The following ANKRD10 variants were observed in gnomAD, a reference collection of about 807,000 sequenced individuals.
ANKRD10 encodes the protein ankyrin repeat domain 10, also known as ankyrin repeat domain-containing protein 10.
ANKRD10 carries 14 observed loss-of-function variants against 27.0 expected under a neutral mutation model. That is an observed-to-expected ratio of 0.52 (90% CI 0.34 to 0.81). ANKRD10 has a LOEUF of 0.81. Ranked by LOEUF, ANKRD10 falls within the 40% of genes least tolerant of loss-of-function variation. The probability of loss-of-function intolerance (pLI) is 0.01; values close to 1 mark genes in which losing one functional copy is unlikely to be tolerated. For missense variants in ANKRD10, 493 were observed against 544.0 expected (o/e 0.91, Z 0.93); for synonymous variants, 250 against 224.5 (o/e 1.11, Z -1.01).
intron 3 of ANKRD10, among the ~76,000 whole-genome samples, chr13:110,898,458 T>C (rs907836063): frequency 6.6e-6 from 1 of 152,238 alleles, no homozygotes. Flanking sequence ...AATGAAACAC[T>C]TGATTTACAG....
rs1283819184 is a variant in ANKRD10, at chr13:110,879,769, G to A, written c.1131C>T (p.Tyr377=). 1.2e-6 allele frequency: 2 copies of A among 1,614,130 alleles called. No individual in the cohort carries two copies. The highest frequency in any genetic ancestry group is 1.7e-6 in the Non-Finnish European group (2 of 1,180,050). ...DIGDNLYYGH[Y]HGFGDTAESI... is the part of the protein sequence containing the mutation. ...TTTCAGCAGTGTCCCCAAACCCGTG[G>A]TAGTGTCCATAGTACAGGTTATCCC... The change falls in exon 6 of 6, where the codon TAC becomes TAT. Residue 377 remains tyrosine (Y), a synonymous_variant. Transcript: ENST00000267339.
intron 3 of ANKRD10, among the ~76,000 whole-genome samples, chr13:110,900,931 C>A (rs1367588933): frequency 6.6e-6 from 1 of 152,028 alleles, no homozygotes; most frequent in Non-Finnish European, 1.5e-5. Flanking sequence ...TTTTAAATTA[C>A]CTTTGGTAAT....
At position 110,909,224 on chromosome 13, in the gene ANKRD10, C is replaced by T. The variant is rs188420429; in HGVS notation, c.363+1394G>A. On this transcript the variant is annotated intron_variant, in intron 2 of 5. Transcript: ENST00000267339. ...AAAATTAACCTACAAAAATGATATACTTAAATTCCATACTATTAATTACTG... is the reference window on the plus strand; with the variant it reads ...AAAATTAACCTACAAAAATGATATATTTAAATTCCATACTATTAATTACTG... Among the ~76,000 whole-genome samples, 1,369 of 152,214 alleles carry T rather than the reference C, an allele frequency of 9.0e-3. 10 individuals carry two copies. The highest frequency in any genetic ancestry group is 0.02 in the South Asian group (99 of 4,830).
chr13:110,914,698 A>C, intron 1 of ANKRD10, 27 bp downstream of exon 1: 2 of 1,542,280 alleles, frequency 1.3e-6, no homozygotes, highest in Non-Finnish European at 1.8e-6. Context: ...GCCGGGGAAA[A>C]TGGCGCCTTA....
intron 4 of ANKRD10, among the ~76,000 whole-genome samples, chr13:110,886,201 A>G (rs905880088): frequency 6.6e-6 from 1 of 152,260 alleles, no homozygotes; most frequent in Non-Finnish European, 1.5e-5. Context: ...GGGAAGAGGC[A>G]GCGGGAAACA....
intron 3 of ANKRD10, among the ~76,000 whole-genome samples, chr13:110,905,823 T>C (rs540562440): frequency 1.3e-5 from 2 of 152,338 alleles, no homozygotes; most frequent in Non-Finnish European, 2.9e-5. Context: ...GACAAGAATA[T>C]TGAGGCTGCT....
At chr13:110,894,083 A>G in intron 3 of ANKRD10, 3 of 1,499,698 alleles carry the variant, frequency 2.0e-6, no homozygotes, top group Middle Eastern at 1.7e-4. Flanking sequence ...GAGCTGAATA[A>G]AATAGAGTAA....
chr13:110,889,507 ACTTC>A (rs10597650), intron 4 of ANKRD10, among the ~76,000 whole-genome samples: 24,162 of 152,172 alleles, frequency 0.16, 2,538 homozygotes, highest in East Asian at 0.56. Context: ...TTGTAGCATA[ACTTC>A]CTTCCAAGAC....
At chr13:110,887,255 CTG>C (rs1003644635) in intron 4 of ANKRD10, among the ~76,000 whole-genome samples, 7 of 152,258 alleles carry the variant, frequency 4.6e-5, no homozygotes, top group African/African-American at 7.2e-5. Flanking sequence ...CCCAGTAACT[CTG>C]TAACTGTATG....
chr13:110,896,359 T>C (rs1043336266), intron 3 of ANKRD10, among the ~76,000 whole-genome samples: 1 of 152,242 alleles, frequency 6.6e-6, no homozygotes, highest in Non-Finnish European at 1.5e-5. Context: ...GTATACAACA[T>C]ACAGTTTAAT....
At chr13:110,887,238 G>A (rs1466325553) in intron 4 of ANKRD10, among the ~76,000 whole-genome samples, 1 of 152,226 alleles carries the variant, frequency 6.6e-6, no homozygotes, top group African/African-American at 2.4e-5. Context: ...AACCCCTAAA[G>A]CCAGTTCCCA....
chr13:110,909,155 T>C (rs748677651), intron 2 of ANKRD10, among the ~76,000 whole-genome samples: 5 of 152,210 alleles, frequency 3.3e-5, no homozygotes, highest in Non-Finnish European at 7.3e-5. Flanking sequence ...GTTAGACAAT[T>C]TCTCTAGTCC....
At chr13:110,885,700 A>G (rs7332528) in intron 4 of ANKRD10, among the ~76,000 whole-genome samples, 57,220 of 152,002 alleles carry the variant, frequency 0.38, 11,217 homozygotes, top group South Asian at 0.5. Context: ...GAGCGGGTCA[A>G]CGTTTGCTCC....
At chr13:110,904,627 T>TAA (rs2065477186) in intron 3 of ANKRD10, among the ~76,000 whole-genome samples, 1 of 152,224 alleles carries the variant, frequency 6.6e-6, no homozygotes, top group African/African-American at 2.4e-5. Flanking sequence ...ATTAGAGTTT[T>TAA]AAATCTAACT....
Position 110,880,092 on chromosome 13 carries a change from CG to C in ANKRD10, c.807del (p.Val270TyrfsTer5). 5 of 1,613,736 alleles carry C rather than the reference CG, an allele frequency of 3.1e-6. No individual in the cohort carries two copies. Among genetic ancestry groups the C allele is most frequent in the Non-Finnish European group, 4.2e-6 (5 of 1,179,764 alleles). On this transcript the variant is annotated frameshift_variant, in exon 6 of 6. Coordinates refer to ENST00000267339, the MANE Select transcript of ANKRD10 (RefSeq NM_017664.4). LOFTEE classifies it low-confidence loss of function (END_TRUNC). ...CATCCATTTGTCAATGTATTCGATA[CG>C]GAGCTACTGTTTTTCATATCTGCAT... ...AVVTDMKNSS[S>X]VSNTLTNGCV...
At chr13:110,896,475 A>G (rs1005817361) in intron 3 of ANKRD10, among the ~76,000 whole-genome samples, 1 of 152,126 alleles carries the variant, frequency 6.6e-6, no homozygotes, top group African/African-American at 2.4e-5. Flanking sequence ...CCTCATTCTC[A>G]TTTCCTCTCC....
At chr13:110,882,481 G>A (rs2064838867) in intron 5 of ANKRD10, among the ~76,000 whole-genome samples, 1 of 152,170 alleles carries the variant, frequency 6.6e-6, no homozygotes, top group Non-Finnish European at 1.5e-5. Context: ...CTGGTAGACG[G>A]GATGGGCTGG....
intron 3 of ANKRD10, chr13:110,898,912 C>A (rs1217755054): frequency 6.6e-6 from 1 of 152,192 alleles, no homozygotes; most frequent in Non-Finnish European, 1.5e-5. Flanking sequence ...CCCACCACCA[C>A]ACCCAGCTAA....
chr13:110,879,718 G>A lies in ANKRD10; in HGVS notation c.1182C>T (p.Val394=), dbSNP rs200799494. Residue 394 remains valine, a synonymous_variant, in exon 6 of 6, where the codon GTC becomes GTT. Coordinates refer to ENST00000267339, the MANE Select transcript of ANKRD10 (RefSeq NM_017664.4). The stretch of plus-strand genomic sequence containing the variant: ...GCACCTTCACGGACTTGGAATGCTC[G>A]ACCACACTGTTCAGTTCTGGGATGC... The part of the protein sequence containing the change: ...AESIPELNSV[V]EHSKSVKVQE... The A allele has an allele frequency of 9.9e-6, 16 of 1,614,164 alleles. No homozygotes were observed. The East Asian group carries it at 2.2e-4, about 22-fold the overall frequency.
Sources: allele counts gnomAD v4.1 joint callset (sites outside exome capture counted in the v4.1 genomes callset), GRCh38; gene constraint gnomAD v4.1.1; transcripts MANE v1.5; gene names NCBI Gene and HGNC (gene_info 2026-07-23, HGNC 2026-07-21).